The following PGBD2 variants were observed in gnomAD, a reference collection of about 807,000 sequenced individuals.
PGBD2 encodes the protein piggyBac transposable element-derived protein 2.
In PGBD2, 6 loss-of-function variants were observed where a neutral mutation model predicts 8.1. That is an observed-to-expected ratio of 0.74 (90% confidence interval 0.40 to 1.46). The LOEUF is 1.46. Ranked by LOEUF, PGBD2 falls within the 40% of genes most tolerant of loss-of-function variation. The pLI is 0.02. For synonymous variants in PGBD2, 318 were observed against 272.2 expected (o/e 1.17, Z -1.66); for missense variants, 802 against 739.0 (o/e 1.09, Z -0.99).
chr1:248,916,481 T>G, intron 2 of PGBD2, 121 bp from the exon 3 acceptor site: 1 of 758,918 alleles, frequency 1.3e-6, no homozygotes. Context: ...TGCCTTGTGA[T>G]GCCAGATCTG....
the PGBD2 span, among the ~76,000 whole-genome samples, chr1:248,890,963 C>T: frequency 6.6e-6 from 1 of 151,846 alleles, no homozygotes; most frequent in Non-Finnish European, 1.5e-5. Context: ...CCTCTCTACA[C>T]ACCACAGACA....
intron 1 of PGBD2, among the ~76,000 whole-genome samples, chr1:248,907,569 G>C (rs1038946048): frequency 3.3e-5 from 5 of 152,174 alleles, no homozygotes; most frequent in Non-Finnish European, 7.3e-5. Flanking sequence ...GACAATACCC[G>C]GCTTTCCAGG....
At chr1:248,896,646 A>G in the PGBD2 span, among the ~76,000 whole-genome samples, 26 of 152,298 alleles carry the variant, frequency 1.7e-4, no homozygotes, top group African/African-American at 5.8e-4. Context: ...AAACTTTTAG[A>G]GGGAAGGGAC....
At chr1:248,914,403 T>G in intron 2 of PGBD2, 10 of 1,221,078 alleles carry the variant, frequency 8.2e-6, no homozygotes, top group Non-Finnish European at 1.0e-5. Flanking sequence ...TAATTTTCTT[T>G]CCCTTTAAGC....
chr1:248,910,043 G>A (rs1292824971), intron 1 of PGBD2, among the ~76,000 whole-genome samples: 3 of 152,218 alleles, frequency 2.0e-5, no homozygotes, highest in East Asian at 1.9e-4. Flanking sequence ...GCACAGTGGA[G>A]GAAAAGGTGG....
downstream of PGBD2, among the ~76,000 whole-genome samples, chr1:248,921,317 A>G (rs1028687875): frequency 5.9e-5 from 9 of 152,292 alleles, no homozygotes; most frequent in African/African-American, 1.9e-4. Flanking sequence ...TGATTTTTGT[A>G]TAAGGTGTAA....
upstream of PGBD2, among the ~76,000 whole-genome samples, chr1:248,904,131 C>CT (rs746464963): frequency 4.1e-4 from 63 of 151,874 alleles, 1 homozygote; most frequent in Middle Eastern, 3.4e-3. Flanking sequence ...ACAAACTAGG[C>CT]TGCAAGGCTT....
intron 1 of PGBD2, among the ~76,000 whole-genome samples, chr1:248,913,271 C>T (rs1285593417): frequency 6.6e-6 from 1 of 152,128 alleles, no homozygotes. Flanking sequence ...TATACTCCTT[C>T]CCTGCACATA....
chr1:248,874,248 T>G, the PGBD2 span, among the ~76,000 whole-genome samples: 1 of 152,312 alleles, frequency 6.6e-6, no homozygotes, highest in East Asian at 1.9e-4. Flanking sequence ...CATCATGTCT[T>G]CCCTGGTGGT....
the PGBD2 span, among the ~76,000 whole-genome samples, chr1:248,875,308 C>CAAAAAAAAAAAAAAAAAA: frequency 6.2e-4 from 68 of 110,048 alleles, no homozygotes; most frequent in East Asian, 1.0e-3. Context: ...AAAAACAAAA[C>CAAAAAAAAAAAAAAAAAA]AAAAAAAAAA....
chr1:248,912,513 C>G (rs1252215253), intron 1 of PGBD2, among the ~76,000 whole-genome samples: 2 of 152,154 alleles, frequency 1.3e-5, no homozygotes, highest in African/African-American at 2.4e-5. Flanking sequence ...GGTAAAAATG[C>G]TTAAAACAGT....
downstream of PGBD2, chr1:248,919,877 A>T (rs1046486140): frequency 2.5e-5 from 4 of 160,122 alleles, no homozygotes; most frequent in Non-Finnish European, 5.9e-5. Context: ...TGCCATTTGT[A>T]CCTTTTGTTT....
the PGBD2 span, among the ~76,000 whole-genome samples, chr1:248,873,982 A>AT: frequency 6.6e-6 from 1 of 152,144 alleles, no homozygotes; most frequent in African/African-American, 2.4e-5. Context: ...TTAGCATTTT[A>AT]TTCCCCGGAA....
downstream of PGBD2, among the ~76,000 whole-genome samples, chr1:248,920,296 C>T (rs577247236): frequency 1.3e-5 from 2 of 151,958 alleles, no homozygotes; most frequent in Non-Finnish European, 2.9e-5. Flanking sequence ...TATCCCTCCC[C>T]TAGCCCCCCA....
At chr1:248,874,298 G>A in the PGBD2 span, among the ~76,000 whole-genome samples, 1 of 152,148 alleles carries the variant, frequency 6.6e-6, no homozygotes, top group Non-Finnish European at 1.5e-5. Flanking sequence ...CCGCGGCCCG[G>A]GTTCGATTCC....
chr1:248,926,660 A>T, the PGBD2 span, among the ~76,000 whole-genome samples: 1 of 152,176 alleles, frequency 6.6e-6, no homozygotes, highest in African/African-American at 2.4e-5. Flanking sequence ...CTCATTACTC[A>T]CACAACAAAA....
chr1:248,874,342 G>T, the PGBD2 span, among the ~76,000 whole-genome samples: 1 of 152,182 alleles, frequency 6.6e-6, no homozygotes, highest in African/African-American at 2.4e-5. Flanking sequence ...AAAAACTGTT[G>T]CCGCAGGGCT....
At chr1:248,906,820 A>G (rs1277657947) in intron 1 of PGBD2, among the ~76,000 whole-genome samples, 2 of 151,776 alleles carry the variant, frequency 1.3e-5, no homozygotes, top group Admixed American at 1.3e-4. Context: ...GAGGTTTCTG[A>G]GGGTCTTTGT....
At chr1:248,874,434 A>T in the PGBD2 span, among the ~76,000 whole-genome samples, 4 of 152,216 alleles carry the variant, frequency 2.6e-5, no homozygotes, top group Non-Finnish European at 4.4e-5. Context: ...CTCATTTTGC[A>T]GAGTAGTTAC....
Sources: allele counts gnomAD v4.1 joint callset (sites outside exome capture counted in the v4.1 genomes callset), GRCh38; gene constraint gnomAD v4.1.1; transcripts MANE v1.5; gene names NCBI Gene and HGNC (gene_info 2026-07-23, HGNC 2026-07-21).